Variants in CNTN3 observed in about 807,000 individuals in gnomAD.
The protein encoded by CNTN3 is contactin 3, also known as contactin-3.
In CNTN3, 60 loss-of-function variants were observed where a neutral mutation model predicts 119.1. That is an observed-to-expected ratio of 0.50 (90% CI 0.41 to 0.62). The LOEUF is 0.62. Among genes scored for constraint, CNTN3 ranks in the 20% least tolerant of loss-of-function variants. The probability of loss-of-function intolerance (pLI) is 0.00; values close to 1 mark genes in which losing one functional copy is unlikely to be tolerated. For synonymous variants in CNTN3, 450 were observed against 438.7 expected (o/e 1.03, Z -0.32); for missense variants, 1,101 against 1,242.4 (o/e 0.89, Z 1.71).
intron 1 of CNTN3, among the ~76,000 whole-genome samples, chr3:74,586,653 T>C (rs1423359086): frequency 6.6e-6 from 1 of 152,070 alleles, no homozygotes; most frequent in African/African-American, 2.4e-5. Context: ...AATATCTACC[T>C]CATGAGTTGG....
At chr3:74,562,656 C>G (rs961866490) in intron 1 of CNTN3, among the ~76,000 whole-genome samples, 6 of 152,108 alleles carry the variant, frequency 3.9e-5, no homozygotes, top group African/African-American at 1.4e-4. Context: ...AGTTTCTCCT[C>G]CTCTGCTACC....
At chr3:74,335,530 C>T (rs979921507) in intron 12 of CNTN3, among the ~76,000 whole-genome samples, 1 of 152,048 alleles carries the variant, frequency 6.6e-6, no homozygotes, top group Non-Finnish European at 1.5e-5. Flanking sequence ...ACTGCTACTC[C>T]ACATTACTTT....
chr3:74,581,891 T>A (rs1704515711), intron 1 of CNTN3, among the ~76,000 whole-genome samples: 1 of 152,174 alleles, frequency 6.6e-6, no homozygotes. Flanking sequence ...AAAAAATGAA[T>A]ACTTACATTT....
chr3:74,512,393 G>A (rs896693113), intron 2 of CNTN3, among the ~76,000 whole-genome samples: 1 of 152,026 alleles, frequency 6.6e-6, no homozygotes, highest in Non-Finnish European at 1.5e-5. Context: ...TTAATCTGTG[G>A]AAGGTAGTAA....
At position 74,268,853 on chromosome 3, in the gene CNTN3, G is replaced by A. The variant is rs374462372; in HGVS notation, c.2705-1475C>T. Reference sequence around the variant, plus strand: ...TGCAGCTGAGCTATACTACAGCATGGTTTGTTCTAACAAAAGGTGTGTGTT... The same window carrying A: ...TGCAGCTGAGCTATACTACAGCATGATTTGTTCTAACAAAAGGTGTGTGTT... On this transcript the variant is annotated intron_variant, in intron 20 of 22. Coordinates refer to ENST00000263665, the MANE Select transcript of CNTN3 (RefSeq NM_020872.3). Among the ~76,000 whole-genome samples, 4 of 152,164 alleles carry A rather than the reference G, an allele frequency of 2.6e-5. No homozygotes were observed. In the East Asian group the frequency reaches 7.7e-4, roughly 29 times the overall value.
At chr3:74,580,873 C>T (rs946315948) in intron 1 of CNTN3, among the ~76,000 whole-genome samples, 18 of 152,170 alleles carry the variant, frequency 1.2e-4, no homozygotes, top group Non-Finnish European at 2.2e-4. Flanking sequence ...CGTGCACCAT[C>T]ACAATCAACT....
At chr3:74,338,506 G>A (rs1452109309) in intron 11 of CNTN3, among the ~76,000 whole-genome samples, 1 of 151,260 alleles carries the variant, frequency 6.6e-6, no homozygotes, top group African/African-American at 2.4e-5. Flanking sequence ...GTGTGTGTGT[G>A]TATACACATA....
intron 5 of CNTN3, among the ~76,000 whole-genome samples, chr3:74,380,462 C>A (rs1052750316): frequency 6.6e-6 from 1 of 152,150 alleles, no homozygotes; most frequent in African/African-American, 2.4e-5. Context: ...TCAGTTCAGT[C>A]CTGGAGAAGA....
chr3:74,436,146 A>G (rs1701862602), intron 4 of CNTN3, among the ~76,000 whole-genome samples: 1 of 152,214 alleles, frequency 6.6e-6, no homozygotes, highest in African/African-American at 2.4e-5. Flanking sequence ...TCTGTCACTT[A>G]GAGTATTTCT....
chr3:74,486,743 T>C, intron 3 of CNTN3, 112 bp from the exon 4 acceptor site: 1 of 864,008 alleles, frequency 1.2e-6, no homozygotes, highest in Non-Finnish European at 1.7e-6. Context: ...AAGTGATACA[T>C]ATATTATTCA....
chr3:74,470,946 G>A lies in CNTN3; in HGVS notation c.358+15510C>T, dbSNP rs572735043. On this transcript the variant is annotated intron_variant, in intron 4 of 22. Transcript: ENST00000263665. ...AGCTAGAGTGCAGTGGTGTGATCTC[G>A]GCTCACTGCAACCTCCGCCTCCCGG... Among the ~76,000 whole-genome samples the A allele has an allele frequency of 5.3e-5, 8 of 151,420 alleles. No individual in the cohort carries two copies. The South Asian group carries it at 6.3e-4, about 12-fold the overall frequency.
chr3:74,275,703 A>C (rs1575691456), intron 20 of CNTN3, among the ~76,000 whole-genome samples: 2 of 152,202 alleles, frequency 1.3e-5, no homozygotes, highest in South Asian at 2.1e-4. Context: ...TAAAAAAAAA[A>C]TACAATTTAA....
intron 5 of CNTN3, among the ~76,000 whole-genome samples, chr3:74,372,740 G>A (rs1254415433): frequency 6.6e-6 from 1 of 152,092 alleles, no homozygotes; most frequent in African/African-American, 2.4e-5. Context: ...AATGAGATAA[G>A]GAGAAGGGTT....
intron 16 of CNTN3, 111 bp downstream of exon 16, chr3:74,301,287 G>A (rs1175730604): frequency 4.4e-6 from 5 of 1,124,178 alleles, no homozygotes; most frequent in Non-Finnish European, 6.4e-6. Flanking sequence ...TTAGATAACT[G>A]CAACAATGGA....
chr3:74,592,454 C>T (rs1178971757), intron 1 of CNTN3, among the ~76,000 whole-genome samples: 1 of 150,324 alleles, frequency 6.7e-6, no homozygotes, highest in East Asian at 2.0e-4. Context: ...AATCACTTGG[C>T]AAAAAGAAAA....
intron 13 of CNTN3, among the ~76,000 whole-genome samples, chr3:74,333,421 A>G (rs1436319821): frequency 6.6e-6 from 1 of 152,192 alleles, no homozygotes; most frequent in African/African-American, 2.4e-5. Context: ...TGCCTCTTCC[A>G]GCTTCTGGTG....
intron 4 of CNTN3, among the ~76,000 whole-genome samples, chr3:74,474,978 C>G (rs528325841): frequency 6.6e-6 from 1 of 152,222 alleles, no homozygotes; most frequent in African/African-American, 2.4e-5. Flanking sequence ...TCCCCAGAAG[C>G]CCAGCCATGT....
intron 11 of CNTN3, among the ~76,000 whole-genome samples, chr3:74,352,152 A>AC (rs1369319959): frequency 6.6e-6 from 1 of 152,196 alleles, no homozygotes; most frequent in East Asian, 1.9e-4. Flanking sequence ...TTTGCCACTG[A>AC]CACAACTGGA....
intron 4 of CNTN3, among the ~76,000 whole-genome samples, chr3:74,431,198 G>A (rs1701777948): frequency 6.6e-6 from 1 of 152,148 alleles, no homozygotes; most frequent in South Asian, 2.1e-4. Flanking sequence ...TTCCCATGCA[G>A]TAGCAAGGAA....
Sources: allele counts gnomAD v4.1 joint callset (sites outside exome capture counted in the v4.1 genomes callset), GRCh38; gene constraint gnomAD v4.1.1; transcripts MANE v1.5; gene names NCBI Gene and HGNC (gene_info 2026-07-23, HGNC 2026-07-21).